Variants in IARS1 observed in about 807,000 individuals in gnomAD.
IARS1 encodes the protein isoleucyl-tRNA synthetase 1.
Under a neutral mutation model 168.2 loss-of-function variants are expected in IARS1, and 124 were observed. The observed-to-expected ratio is 0.74, with a 90% CI of 0.64 to 0.86. The LOEUF (loss-of-function observed/expected upper bound fraction) is 0.86. IARS1 is among the 40% of genes least tolerant of loss of function. The pLI, the probability that IARS1 is intolerant of heterozygous loss-of-function variation, is 0.00. For missense variants in IARS1, 1,452 were observed against 1,515.8 expected (o/e 0.96, Z 0.70); for synonymous variants, 532 against 529.4 (o/e 1.00, Z -0.07).
intron 31 of IARS1, among the ~76,000 whole-genome samples, chr9:92,227,696 C>T (rs1177746153): frequency 6.7e-6 from 1 of 149,434 alleles, no homozygotes; most frequent in Non-Finnish European, 1.5e-5. Context: ...ACATCCTGGA[C>T]GAGGCAGCAG....
rs535524362 is a variant in IARS1 at position 92,270,046 on chromosome 9, C to A, written c.1206-63G>T. 2.3e-5 allele frequency: 23 copies of A among 998,322 alleles called. No homozygotes were observed. The South Asian group carries it at 3.0e-4, about 13-fold the overall frequency. The allele number at this position is 998,322 out of a possible 1,614,324, so 61.8% of individuals were successfully genotyped here. A position where few individuals can be genotyped will look rare whatever the true frequency, so the allele number is the denominator to read the frequency against. ...GAGACTAGTAGGCACTACGGTAAGA[C>A]TGACTTTTCATGTCTTATTGACAGC... is the stretch of plus-strand genomic sequence containing the variant. On this transcript the variant is annotated intron_variant, in intron 12 of 33. Coordinates refer to ENST00000443024, the MANE Select transcript of IARS1 (RefSeq NM_002161.6).
chr9:92,251,131 G>A, intron 22 of IARS1: 1 of 481,002 alleles, frequency 2.1e-6, no homozygotes, highest in South Asian at 1.5e-5. Flanking sequence ...AAGACTGACT[G>A]TCCCACACCT....
intron 15 of IARS1, 113 bp from the exon 16 acceptor site, chr9:92,265,236 CAG>C: frequency 1.0e-6 from 1 of 962,304 alleles, no homozygotes; most frequent in Admixed American, 2.8e-5. Context: ...CATTTGCAAA[CAG>C]AAATATCAGC....
rs533121797 is a variant in IARS1 at position 92,235,499 on chromosome 9, C to A, written c.3283+5357G>T. ...CATGTAATCTTTTAGTCTGACAATA[C>A]GATAATTACATTGATTTTTTTTTTT... On this transcript the variant is annotated intron_variant, in intron 30 of 33. Transcript: ENST00000443024. Among the ~76,000 whole-genome samples the A allele has an allele frequency of 4.7e-5, 7 of 149,644 alleles. No individual in the cohort carries two copies. The South Asian group carries it at 1.5e-3, about 32-fold the overall frequency.
intron 21 of IARS1, among the ~76,000 whole-genome samples, 162 bp downstream of exon 21, chr9:92,253,200 T>C (rs569920639): frequency 5.9e-5 from 9 of 152,230 alleles, no homozygotes; most frequent in African/African-American, 2.2e-4. Context: ...ATCCCTCAAA[T>C]GACAAATATA....
At position 92,256,679 on chromosome 9, in the gene IARS1, C is replaced by G. The variant is rs1379060618; in HGVS notation, c.2137+1G>C. ...GGGAGGACAGACCAAGAGAGACTCA[C>G]CTGCCATTTCAGTCTCAAAGAAGCC... On this transcript the variant is annotated splice_donor_variant, in intron 20 of 33. Transcript: ENST00000443024. LOFTEE classifies it high-confidence loss of function. 1 of 1,613,186 alleles carries G rather than the reference C, an allele frequency of 6.2e-7. No individual in the cohort carries two copies. The highest frequency in any genetic ancestry group is 1.7e-5 in the Admixed American group (1 of 59,972).
rs138918751 is a variant in IARS1, at chr9:92,214,297, C to T, written c.3707-3408G>A. On this transcript the variant is annotated intron_variant, in intron 33 of 33. Transcript: ENST00000443024. ...TGGTCTGGGTGTGGTGGCTCACCCC[C>T]GTAATCCCAGCACTTTGGGAGGCCC... Among the ~76,000 whole-genome samples the T allele has an allele frequency of 1.8e-3, 277 of 151,896 alleles. 1 individual carries two copies. Among genetic ancestry groups the T allele is most frequent in the African/African-American group, 6.3e-3 (261 of 41,442 alleles).
At chr9:92,229,227 A>T (rs1175931) in intron 30 of IARS1, 101 bp from the exon 31 acceptor site, 195,795 of 1,219,934 alleles carry the variant, frequency 0.16, 17,392 homozygotes, top group South Asian at 0.28. Context: ...AAGCCCTAAT[A>T]TTTTTCCTTT....
chr9:92,281,378 C>T (rs1240944136), intron 6 of IARS1, among the ~76,000 whole-genome samples: 7 of 152,082 alleles, frequency 4.6e-5, no homozygotes, highest in African/African-American at 1.7e-4. Flanking sequence ...AGGTGATCCT[C>T]CCACCTCAGC....
At position 92,256,701 on chromosome 9, in the gene IARS1, A is replaced by G. The variant is rs1306976015; in HGVS notation, c.2116T>C (p.Phe706Leu). 1 of 1,613,550 alleles carries G rather than the reference A, an allele frequency of 6.2e-7. No individual in the cohort carries two copies. ...ILSFMQSLIG[F>L]FETEMAAYRL... The stretch of plus-strand genomic sequence containing the variant: ...TCACCTGCCATTTCAGTCTCAAAGA[A>G]GCCAATGAGAGACTGCATGAAGGAC... The change falls in exon 20 of 34, where the codon TTC becomes CTC. Residue 706 changes from phenylalanine to leucine, a missense_variant. Coordinates refer to ENST00000443024, the MANE Select transcript of IARS1 (RefSeq NM_002161.6).
chr9:92,273,548 A>G (rs1833388086), intron 10 of IARS1, among the ~76,000 whole-genome samples: 1 of 152,232 alleles, frequency 6.6e-6, no homozygotes, highest in Admixed American at 6.5e-5. Context: ...GATGTGAAAA[A>G]AAGAATCTAT....
chr9:92,256,530 T>G, intron 20 of IARS1, 150 bp downstream of exon 20: 1 of 781,662 alleles, frequency 1.3e-6, no homozygotes, highest in Non-Finnish European at 1.9e-6. Flanking sequence ...TCACGACAAT[T>G]AACAAGCCTT....
rs755890832 is a variant in IARS1 at position 92,245,045 on chromosome 9, A to G, written c.2818T>C (p.Leu940=). Residue 940 remains leucine, a synonymous_variant, in exon 27 of 34, where the codon TTG becomes CTG. Transcript: ENST00000443024. ...ATGAGGCGGATGTCTTCATCGTGCA[A>G]TTCATGGCCTTCCACAACAATGGTC... ...TGTIVVEGHE[L]HDEDIRLMYT... The G allele has an allele frequency of 3.1e-6, 5 of 1,614,166 alleles. No homozygotes were observed. The highest frequency in any genetic ancestry group is 3.3e-5 in the Admixed American group (2 of 60,018).
rs1035211084 is a variant in IARS1 at position 92,270,003 on chromosome 9, C to A, written c.1206-20G>T. 1.3e-6 allele frequency: 2 copies of A among 1,504,768 alleles called. No homozygotes were observed. The highest frequency in any genetic ancestry group is 2.7e-5 in the African/African-American group (2 of 72,766). The allele number at this position is 1,504,768 out of a possible 1,614,324, so 93.2% of individuals were successfully genotyped here. On this transcript the variant is annotated intron_variant, in intron 12 of 33. Coordinates refer to ENST00000443024, the MANE Select transcript of IARS1 (RefSeq NM_002161.6). ...TCTGATCTGGGGAAGCAGAAACACA[C>A]ACATAGCTGCTCAGGCTGAGACTAG...
intron 30 of IARS1, 199 bp downstream of exon 30, chr9:92,240,657 G>A (rs1298476647): frequency 1.4e-6 from 1 of 716,734 alleles, no homozygotes; most frequent in Non-Finnish European, 2.6e-6. Flanking sequence ...GCTTCCAAAA[G>A]TGGTAGATTT....
chr9:92,274,612 G>A (rs1194982205), intron 9 of IARS1, 91 bp from the exon 10 acceptor site: 4 of 799,764 alleles, frequency 5.0e-6, no homozygotes, highest in African/African-American at 3.4e-5. Context: ...ACCTGAAAAT[G>A]CTTTTAACCG....
At chr9:92,218,078 G>A (rs1375550060) in intron 33 of IARS1, among the ~76,000 whole-genome samples, 1 of 152,086 alleles carries the variant, frequency 6.6e-6, no homozygotes, top group Admixed American at 6.5e-5. Context: ...TATCCACCAT[G>A]ATCAAGTGGG....
chr9:92,242,156 G>C lies in IARS1; in HGVS notation c.3175C>G (p.Gln1059Glu). ...SDKVLIQEKT[Q>E]LKGSELEITL... ...GTTCAGTGGAACTCAGGACTCACCT[G>C]TGTTTTTTCTTGAATAAGGACTTTA... Residue 1059 changes from glutamine (Q) to glutamate (E), a missense_variant and splice_region_variant, in exon 29 of 34, where the codon CAG (glutamine) becomes GAG (glutamate). Coordinates refer to ENST00000443024, the MANE Select transcript of IARS1 (RefSeq NM_002161.6). The C allele has an allele frequency of 6.2e-7, 1 of 1,612,802 alleles. No individual in the cohort carries two copies. The highest frequency in any genetic ancestry group is 8.5e-7 in the Non-Finnish European group (1 of 1,179,118).
intron 14 of IARS1, among the ~76,000 whole-genome samples, chr9:92,267,090 T>C (rs1304270486): frequency 6.6e-6 from 1 of 152,152 alleles, no homozygotes; most frequent in Non-Finnish European, 1.5e-5. Context: ...TATATTATGC[T>C]TGGACCCGAT....
Sources: allele counts gnomAD v4.1 joint callset (sites outside exome capture counted in the v4.1 genomes callset), GRCh38; gene constraint gnomAD v4.1.1; transcripts MANE v1.5; gene names NCBI Gene and HGNC (gene_info 2026-07-23, HGNC 2026-07-21).